FAM53B: variants seen among roughly 807,000 people sequenced by gnomAD.
FAM53B encodes protein FAM53B.
A neutral mutation model predicts 32.7 loss-of-function variants in FAM53B; 12 were observed. That is an observed-to-expected ratio of 0.37 (90% confidence interval 0.24 to 0.59). The LOEUF is 0.59. FAM53B is among the 20% of genes least tolerant of loss of function. The pLI is 0.72. For missense variants in FAM53B, 477 were observed against 577.7 expected, an observed-to-expected ratio of 0.83 and a Z score of 1.79; for synonymous variants, 234 against 228.7, an observed-to-expected ratio of 1.02 and a Z score of -0.21.
chr10:124,739,549 C>G (rs1227372168), intron 1 of FAM53B, among the ~76,000 whole-genome samples: 1 of 152,240 alleles, frequency 6.6e-6, no homozygotes, highest in Non-Finnish European at 1.5e-5. Flanking sequence ...CCTGCCACTG[C>G]GTTCTGAGGT....
Position 124,620,088 on chromosome 10 carries a change from T to C in FAM53B, c.*3154A>G, listed in dbSNP as rs1304232993. 6.6e-6 allele frequency: 1 copy of C among 152,568 alleles called. No individual in the cohort carries two copies. The highest frequency in any genetic ancestry group is 1.5e-5 in the Non-Finnish European group (1 of 68,044). 9.5% of individuals were successfully genotyped at this position (152,568 alleles called of 1,614,324 possible). On this transcript the variant is annotated 3_prime_UTR_variant, in exon 5 of 5. Transcript: ENST00000337318. ...CCCCTTTATTTAAATTTTCTTTCAG[T>C]GTACAAATTCACAAAACTGGCTACA...
Position 124,733,564 on chromosome 10 carries a change from C to A in FAM53B, c.-175+10449G>T, listed in dbSNP as rs2134103150. 6.6e-6 allele frequency among the ~76,000 whole-genome samples: 1 copy of A among 152,338 alleles called. No homozygotes were observed. Among genetic ancestry groups the A allele is most frequent in the Middle Eastern group, 3.4e-3 (1 of 294 alleles). ...AGTTTTACACTGAATCAGACTGTTTCAACTCACACAACGCCAGAACTTTGA... is the reference window on the plus strand; with the variant it reads ...AGTTTTACACTGAATCAGACTGTTTAAACTCACACAACGCCAGAACTTTGA... On this transcript the variant is annotated intron_variant, in intron 1 of 4. Coordinates refer to ENST00000337318, the MANE Select transcript of FAM53B (RefSeq NM_014661.4). This position sits in a 1 kb window ranked among gnomAD's most constrained non-coding sequence, Gnocchi z 4.3.
chr10:124,673,534 C>T (rs1589746298), intron 4 of FAM53B, among the ~76,000 whole-genome samples: 2 of 152,190 alleles, frequency 1.3e-5, no homozygotes, highest in African/African-American at 4.8e-5. Flanking sequence ...CATTGGCAGG[C>T]GGGGACACCA....
intron 1 of FAM53B, among the ~76,000 whole-genome samples, chr10:124,718,327 T>C (rs1950048877): frequency 6.6e-6 from 1 of 152,150 alleles, no homozygotes; most frequent in Non-Finnish European, 1.5e-5. Context: ...CTGAGTCATA[T>C]CTACCAACCT....
At chr10:124,661,449 G>A (rs1000577518) in intron 4 of FAM53B, among the ~76,000 whole-genome samples, 3 of 152,190 alleles carry the variant, frequency 2.0e-5, no homozygotes, top group African/African-American at 7.2e-5. Context: ...AGCTCTCCTT[G>A]TAAGCCAGGC....
intron 4 of FAM53B, chr10:124,667,543 G>A: frequency 7.3e-6 from 5 of 687,736 alleles, no homozygotes; most frequent in Admixed American, 2.1e-5. Flanking sequence ...GCTGCCCTCT[G>A]AGCCTCCACA....
At chr10:124,665,671 T>C (rs567489504) in intron 4 of FAM53B, among the ~76,000 whole-genome samples, 3 of 152,194 alleles carry the variant, frequency 2.0e-5, no homozygotes, top group African/African-American at 7.2e-5. Flanking sequence ...GCCCTGGGCA[T>C]TGGTCACGTG....
intron 4 of FAM53B, among the ~76,000 whole-genome samples, chr10:124,648,312 T>C (rs1459064305): frequency 6.6e-6 from 1 of 152,176 alleles, no homozygotes; most frequent in African/African-American, 2.4e-5. Context: ...GAGGGACAGA[T>C]GGGCAGTGGG....
intron 3 of FAM53B, among the ~76,000 whole-genome samples, chr10:124,689,417 C>A (rs1315854436): frequency 2.6e-5 from 4 of 152,176 alleles, no homozygotes; most frequent in Non-Finnish European, 5.9e-5. Flanking sequence ...GTGTCAGGAA[C>A]AAAAAGTCCT....
At chr10:124,737,492 G>A (rs547885288) in intron 1 of FAM53B, among the ~76,000 whole-genome samples, 1 of 152,316 alleles carries the variant, frequency 6.6e-6, no homozygotes, top group East Asian at 1.9e-4. Flanking sequence ...TGTCTTGCAA[G>A]CAGGAATTAA....
chr10:124,691,433 TAATA>T (rs1949831903), intron 3 of FAM53B, among the ~76,000 whole-genome samples: 1 of 152,272 alleles, frequency 6.6e-6, no homozygotes, highest in Admixed American at 6.5e-5. Context: ...TAATTTACAT[TAATA>T]AATAATTTAT....
At chr10:124,721,276 C>T (rs1950067096) in intron 1 of FAM53B, among the ~76,000 whole-genome samples, 1 of 152,226 alleles carries the variant, frequency 6.6e-6, no homozygotes, top group Non-Finnish European at 1.5e-5. Flanking sequence ...TCTCTCCCTC[C>T]CACATCCTGG....
At position 124,649,015 on chromosome 10, in the gene FAM53B, A is replaced by G. The variant is rs564780109; in HGVS notation, c.907-25411T>C. Among the ~76,000 whole-genome samples the G allele has an allele frequency of 8.5e-5, 13 of 152,360 alleles. 1 individual carries two copies. In the South Asian group the frequency reaches 2.7e-3, roughly 32 times the overall value. ...AGAAGCAGCTGCAGGCCTGCTGGGC[A>G]GACTGCCAAAGGCAGGCAACAGCAG... On this transcript the variant is annotated intron_variant, in intron 4 of 4. Transcript: ENST00000337318.
chr10:124,688,897 T>C (rs1444074790), intron 3 of FAM53B, among the ~76,000 whole-genome samples: 1 of 152,224 alleles, frequency 6.6e-6, no homozygotes, highest in Admixed American at 6.5e-5. Context: ...AGAGGAGCTT[T>C]ATAGCCCTAG....
At chr10:124,702,389 C>T (rs1949920389) in intron 2 of FAM53B, among the ~76,000 whole-genome samples, 1 of 152,250 alleles carries the variant, frequency 6.6e-6, no homozygotes, top group South Asian at 2.1e-4. Context: ...GCTGGCTGTT[C>T]AAAGCAAATG....
At chr10:124,706,379 G>C (rs148500824) in intron 2 of FAM53B, among the ~76,000 whole-genome samples, 1 of 152,196 alleles carries the variant, frequency 6.6e-6, no homozygotes, top group Non-Finnish European at 1.5e-5. Flanking sequence ...CACACTTGCT[G>C]TTATTTACCA....
rs189629716 is a variant in FAM53B at position 124,707,465 on chromosome 10, C to T, written c.-174-578G>A. Reference sequence around the variant, plus strand: ...AAAAAGGCATACATTTGGCCAGGCACGGTGGCTCATGCCTGTAATCCCAGC... The same window carrying T: ...AAAAAGGCATACATTTGGCCAGGCATGGTGGCTCATGCCTGTAATCCCAGC... On this transcript the variant is annotated intron_variant, in intron 1 of 4. Coordinates refer to ENST00000337318, the MANE Select transcript of FAM53B (RefSeq NM_014661.4). 4.6e-5 allele frequency among the ~76,000 whole-genome samples: 7 copies of T among 152,262 alleles called. No individual in the cohort carries two copies. The East Asian group carries it at 1.2e-3, about 25-fold the overall frequency.
intron 1 of FAM53B, among the ~76,000 whole-genome samples, chr10:124,732,670 C>A (rs536150051): frequency 2.0e-5 from 3 of 152,194 alleles, no homozygotes; most frequent in Non-Finnish European, 2.9e-5. Flanking sequence ...ACCAGTCTGG[C>A]CAACATGGTG....
intron 1 of FAM53B, among the ~76,000 whole-genome samples, chr10:124,718,109 TA>T (rs1354694213): frequency 6.6e-6 from 1 of 151,790 alleles, no homozygotes; most frequent in Non-Finnish European, 1.5e-5. Flanking sequence ...TCTCTTTATC[TA>T]GGAGGCCTGC....
Sources: allele counts gnomAD v4.1 joint callset (sites outside exome capture counted in the v4.1 genomes callset), GRCh38; gene constraint gnomAD v4.1.1; non-coding constraint Gnocchi (gnomAD v3.1); transcripts MANE v1.5; gene names NCBI Gene and HGNC (gene_info 2026-07-23, HGNC 2026-07-21).